ADGRB3: variants seen among roughly 807,000 people sequenced by gnomAD.
The protein encoded by ADGRB3 is brain-specific angiogenesis inhibitor 3.
In ADGRB3, 37 loss-of-function variants were observed where a neutral mutation model predicts 193.4. The observed-to-expected ratio is 0.19, with a 90% confidence interval of 0.15 to 0.25. The LOEUF (loss-of-function observed/expected upper bound fraction) is 0.25, where lower values mean the gene tolerates loss of function less well. Among genes scored for constraint, ADGRB3 ranks in the 10% least tolerant of loss-of-function variants. The pLI is 1.00. For missense variants in ADGRB3, 1,637 were observed against 1,852.9 expected (o/e 0.88, Z 2.14); for synonymous variants, 690 against 644.2 (o/e 1.07, Z -1.08).
chr6:69,238,514 G>A (rs1400019504), intron 19 of ADGRB3, among the ~76,000 whole-genome samples: 1 of 151,172 alleles, frequency 6.6e-6, no homozygotes. Flanking sequence ...TTTGTGGATT[G>A]GATTTATTTT....
At chr6:68,833,811 A>G (rs1767998895) in intron 3 of ADGRB3, among the ~76,000 whole-genome samples, 1 of 152,048 alleles carries the variant, frequency 6.6e-6, no homozygotes, top group Non-Finnish European at 1.5e-5. Flanking sequence ...TAATGATTAC[A>G]TCCAAAAATA....
intron 3 of ADGRB3, among the ~76,000 whole-genome samples, chr6:68,671,792 A>G (rs1768967925): frequency 6.6e-6 from 1 of 152,010 alleles, no homozygotes; most frequent in Admixed American, 6.6e-5. Context: ...AATAAGTTTG[A>G]AAGTATTTCC....
At chr6:69,157,699 GT>G (rs952463287) in intron 17 of ADGRB3, among the ~76,000 whole-genome samples, 34 of 134,540 alleles carry the variant, frequency 2.5e-4, no homozygotes, top group African/African-American at 8.6e-4. Context: ...ATATCTCTCT[GT>G]AAAAAAAAAA....
chr6:68,850,151 T>G (rs749273502), intron 3 of ADGRB3, among the ~76,000 whole-genome samples: 2 of 151,964 alleles, frequency 1.3e-5, no homozygotes, highest in African/African-American at 4.8e-5. Flanking sequence ...TTAATAGTTA[T>G]GTATATAACT....
At chr6:69,328,506 G>A (rs1051713586) in intron 22 of ADGRB3, among the ~76,000 whole-genome samples, 9 of 152,242 alleles carry the variant, frequency 5.9e-5, no homozygotes, top group Admixed American at 5.9e-4. Context: ...GCACTTTCAT[G>A]TTTTATTTTA....
Position 69,386,837 on chromosome 6 carries a change from C to G in ADGRB3, c.4381-1866C>G, listed in dbSNP as rs551754480. Among the ~76,000 whole-genome samples, 3 of 152,168 alleles carry G rather than the reference C, an allele frequency of 2.0e-5. No homozygotes were observed. In the South Asian group the frequency reaches 6.2e-4, roughly 32 times the overall value. On this transcript the variant is annotated intron_variant, in intron 31 of 31. Coordinates refer to ENST00000370598, the MANE Select transcript of ADGRB3 (RefSeq NM_001704.3). The stretch of plus-strand genomic sequence containing the variant: ...TTTATGTGTTTCCTGTATAAAGAAG[C>G]CATCTCTCTATCCTTCTCTGAATTC...
chr6:68,638,516 A>G, intron 2 of ADGRB3, 145 bp from the exon 3 acceptor site: 1 of 810,360 alleles, frequency 1.2e-6, no homozygotes, highest in Middle Eastern at 3.0e-4. Context: ...TTCCTGTGTT[A>G]TAAAATAAAA....
At chr6:68,888,216 A>G (rs1237089720) in intron 3 of ADGRB3, among the ~76,000 whole-genome samples, 1 of 152,174 alleles carries the variant, frequency 6.6e-6, no homozygotes, top group Non-Finnish European at 1.5e-5. Context: ...GTTTATGCAC[A>G]GCACTGATAA....
chr6:68,821,636 C>A (rs574366892), intron 3 of ADGRB3, among the ~76,000 whole-genome samples: 1 of 151,396 alleles, frequency 6.6e-6, no homozygotes, highest in South Asian at 2.1e-4. Context: ...GTATAATTTG[C>A]CTCTTTTTTT....
intron 3 of ADGRB3, among the ~76,000 whole-genome samples, chr6:68,913,008 G>C (rs1766763089): frequency 6.6e-6 from 1 of 152,230 alleles, no homozygotes; most frequent in South Asian, 2.1e-4. Context: ...GAGGCTGGGG[G>C]AGGGGCACCT....
chr6:68,869,563 A>G (rs1331026657), intron 3 of ADGRB3, among the ~76,000 whole-genome samples: 1 of 152,216 alleles, frequency 6.6e-6, no homozygotes, highest in Non-Finnish European at 1.5e-5. Flanking sequence ...GTAGAGCCAA[A>G]TTAGTTAATT....
At chr6:68,912,275 A>G (rs1766736126) in intron 3 of ADGRB3, among the ~76,000 whole-genome samples, 1 of 151,996 alleles carries the variant, frequency 6.6e-6, no homozygotes. Flanking sequence ...CTCTTCCAGA[A>G]TGAATCTACT....
chr6:69,150,802 G>T (rs1774651756), intron 17 of ADGRB3, among the ~76,000 whole-genome samples: 1 of 152,146 alleles, frequency 6.6e-6, no homozygotes, highest in Non-Finnish European at 1.5e-5. Flanking sequence ...GGACCCGAGG[G>T]CTCTTTAGCA....
At chr6:69,298,243 T>C (rs1767871739) in intron 20 of ADGRB3, among the ~76,000 whole-genome samples, 1 of 151,866 alleles carries the variant, frequency 6.6e-6, no homozygotes, top group Admixed American at 6.6e-5. Context: ...TAGAGGGAGG[T>C]TGGTCAGTGT....
chr6:68,912,925 G>A (rs535009314), intron 3 of ADGRB3, among the ~76,000 whole-genome samples: 23 of 152,230 alleles, frequency 1.5e-4, no homozygotes, highest in East Asian at 3.9e-4. Context: ...CACCTGGCTC[G>A]GAGGGTCCTA....
intron 10 of ADGRB3, among the ~76,000 whole-genome samples, chr6:68,986,841 T>A (rs188558747): frequency 6.6e-6 from 1 of 152,240 alleles, no homozygotes; most frequent in Non-Finnish European, 1.5e-5. Flanking sequence ...ACAGAGCAAC[T>A]ATGATAAACC....
At chr6:68,960,127 T>C (rs1299665159) in intron 8 of ADGRB3, among the ~76,000 whole-genome samples, 2 of 152,172 alleles carry the variant, frequency 1.3e-5, no homozygotes, top group Non-Finnish European at 2.9e-5. Flanking sequence ...GCTACTTCTA[T>C]AACTCCAATT....
At chr6:68,836,595 G>T (rs1415070274) in intron 3 of ADGRB3, among the ~76,000 whole-genome samples, 2 of 152,132 alleles carry the variant, frequency 1.3e-5, no homozygotes, top group East Asian at 3.9e-4. Context: ...TGCAAGTATG[G>T]ATAGATGTTT....
At chr6:69,314,206 A>G (rs1250328534) in intron 20 of ADGRB3, among the ~76,000 whole-genome samples, 2 of 151,726 alleles carry the variant, frequency 1.3e-5, no homozygotes, top group Non-Finnish European at 2.9e-5. Flanking sequence ...TCTTCAAATT[A>G]TGAACATGTT....
Sources: gnomAD v4.1 joint callset for allele counts (sites outside exome capture counted in the v4.1 genomes callset) on GRCh38, gnomAD v4.1.1 for gene constraint, MANE v1.5 for transcripts, NCBI Gene and HGNC (gene_info 2026-07-23, HGNC 2026-07-21) for gene names.